Variants in TOP6BL observed in about 807,000 individuals in gnomAD.
The protein encoded by TOP6BL is TOP6B like initiator of meiotic double strand breaks, also known as type 2 DNA topoisomerase 6 subunit B-like.
chr11:66,814,639 CT>C, the TOP6BL span, among the ~76,000 whole-genome samples: 2 of 152,102 alleles, frequency 1.3e-5, no homozygotes, highest in Non-Finnish European at 1.5e-5. Flanking sequence ...CTGTTAGATA[CT>C]TGTTCAGAGG....
chr11:66,801,877 G>T, the TOP6BL span, among the ~76,000 whole-genome samples: 1 of 152,056 alleles, frequency 6.6e-6, no homozygotes, highest in East Asian at 1.9e-4. Flanking sequence ...GGAGGAGGTG[G>T]TAAACAATAT....
the TOP6BL span, among the ~76,000 whole-genome samples, chr11:66,747,191 C>T: frequency 1.7e-4 from 26 of 152,112 alleles, no homozygotes; most frequent in Non-Finnish European, 7.4e-5. Flanking sequence ...CCGCCTCAAC[C>T]TCCCGAAGTG....
At chr11:66,816,314 C>T in the TOP6BL span, 1 of 1,155,372 alleles carries the variant, frequency 8.7e-7, no homozygotes, top group South Asian at 2.2e-5. Flanking sequence ...TAAATAAGTT[C>T]AGTGAAAAAC....
the TOP6BL span, among the ~76,000 whole-genome samples, chr11:66,827,140 CCTGA>C: frequency 6.6e-6 from 1 of 151,984 alleles, no homozygotes; most frequent in African/African-American, 2.4e-5. Flanking sequence ...TGCCACCACG[CCTGA>C]CTAATTTTTG....
the TOP6BL span, among the ~76,000 whole-genome samples, chr11:66,765,639 C>T: frequency 6.6e-6 from 1 of 152,130 alleles, no homozygotes; most frequent in African/African-American, 2.4e-5. Context: ...CCTCAGCCTC[C>T]CAAGTAGCTG....
At chr11:66,786,368 T>C in the TOP6BL span, among the ~76,000 whole-genome samples, 10 of 152,196 alleles carry the variant, frequency 6.6e-5, no homozygotes, top group African/African-American at 2.4e-4. Flanking sequence ...TTTAAAAATA[T>C]TTGTATTATT....
the TOP6BL span, among the ~76,000 whole-genome samples, chr11:66,830,392 A>T: frequency 1.3e-5 from 2 of 152,226 alleles, no homozygotes; most frequent in Non-Finnish European, 2.9e-5. Flanking sequence ...AATTTGTGAG[A>T]TGTAGCTGAT....
the TOP6BL span, among the ~76,000 whole-genome samples, chr11:66,760,385 G>A: frequency 1.3e-5 from 2 of 150,860 alleles, 1 homozygote; most frequent in Non-Finnish European, 3.0e-5. Context: ...GGAGGCAGAG[G>A]CTGCAGTGAG....
the TOP6BL span, among the ~76,000 whole-genome samples, chr11:66,806,927 TTATATC>T: frequency 7.9e-5 from 12 of 152,216 alleles, no homozygotes; most frequent in Non-Finnish European, 8.8e-5. Context: ...TGCTTTTTCT[TTATATC>T]TAGATAGTAC....
the TOP6BL span, chr11:66,748,507 T>G: frequency 6.5e-7 from 1 of 1,543,236 alleles, no homozygotes. Context: ...CTCTTCATTG[T>G]GTAACAACTA....
At chr11:66,785,228 G>A in the TOP6BL span, among the ~76,000 whole-genome samples, 1 of 151,530 alleles carries the variant, frequency 6.6e-6, no homozygotes, top group African/African-American at 2.4e-5. Flanking sequence ...CAAAGTGCTG[G>A]GATTACAGGC....
the TOP6BL span, among the ~76,000 whole-genome samples, chr11:66,824,068 CAG>C: frequency 6.6e-6 from 1 of 152,078 alleles, no homozygotes; most frequent in Admixed American, 6.6e-5. Context: ...TAGTACCTCA[CAG>C]AGTTATTATG....
At chr11:66,818,735 C>G in the TOP6BL span, among the ~76,000 whole-genome samples, 2 of 152,190 alleles carry the variant, frequency 1.3e-5, no homozygotes, top group Non-Finnish European at 2.9e-5. Context: ...GATCTGCTAC[C>G]TTCTGGCAGG....
At chr11:66,842,853 C>CAA in the TOP6BL span, 1 of 1,566,252 alleles carries the variant, frequency 6.4e-7, no homozygotes. Context: ...TCCTAGATAC[C>CAA]AGCGGGCAAG....
chr11:66,794,508 C>A, the TOP6BL span, among the ~76,000 whole-genome samples: 33 of 151,928 alleles, frequency 2.2e-4, no homozygotes, highest in African/African-American at 7.5e-4. Context: ...TTTTTATTTT[C>A]CTTCATTTTT....
the TOP6BL span, among the ~76,000 whole-genome samples, chr11:66,806,308 C>CA: frequency 6.6e-6 from 1 of 152,124 alleles, no homozygotes; most frequent in African/African-American, 2.4e-5. Context: ...GTTTCCCTTG[C>CA]AAAAATTGGT....
chr11:66,798,366 G>A, the TOP6BL span, among the ~76,000 whole-genome samples: 2 of 152,070 alleles, frequency 1.3e-5, no homozygotes, highest in Admixed American at 6.6e-5. Context: ...TTGGGAGGCC[G>A]ACTTGGGCGG....
At chr11:66,761,580 G>T in the TOP6BL span, 1 of 1,163,986 alleles carries the variant, frequency 8.6e-7, no homozygotes. Flanking sequence ...CTGCTCTACT[G>T]GCTCTTGACA....
the TOP6BL span, among the ~76,000 whole-genome samples, chr11:66,819,628 A>T: frequency 2.0e-5 from 3 of 151,934 alleles, no homozygotes; most frequent in Non-Finnish European, 4.4e-5. Context: ...TTGCCCGGGC[A>T]TGGTCCCTCA....
Sources: allele counts gnomAD v4.1 joint callset (sites outside exome capture counted in the v4.1 genomes callset), GRCh38; gene constraint gnomAD v4.1.1; transcripts MANE v1.5; gene names NCBI Gene and HGNC (gene_info 2026-07-23, HGNC 2026-07-21).